SMOC2: variants seen among roughly 807,000 people sequenced by gnomAD.
SMOC2 encodes the protein SPARC related modular calcium binding 2.
A neutral mutation model predicts 61.4 loss-of-function variants in SMOC2; 39 were observed. The observed-to-expected ratio is 0.64, with a 90% confidence interval of 0.49 to 0.83. The LOEUF (loss-of-function observed/expected upper bound fraction) is 0.83, where lower values mean the gene tolerates loss of function less well. Ranked by LOEUF, SMOC2 falls within the 40% of genes least tolerant of loss-of-function variation. The pLI, the probability that SMOC2 is intolerant of heterozygous loss-of-function variation, is 0.00. For synonymous variants in SMOC2, 247 were observed against 239.9 expected, an observed-to-expected ratio of 1.03 and a Z score of -0.27; for missense variants, 556 against 592.9, an observed-to-expected ratio of 0.94 and a Z score of 0.65.
rs59917176 is a variant in SMOC2 at position 168,465,974 on chromosome 6, G to A, written c.84+24520G>A. Among the ~76,000 whole-genome samples the A allele has an allele frequency of 4.4e-4, 51 of 117,022 alleles. 1 individual carries two copies. Among genetic ancestry groups the A allele is most frequent in the African/African-American group, 1.7e-3 (49 of 28,844 alleles). 76.8% of individuals were successfully genotyped at this position (117,022 alleles called of 152,430 possible). A position where few individuals can be genotyped will look rare whatever the true frequency, so the allele number is the denominator to read the frequency against. The stretch of plus-strand genomic sequence containing the variant: ...CTGCTCTGAGAGCTGGAACTGGGGG[G>A]CTCTGGATGAAGCGACGTGCTGCTC... On this transcript the variant is annotated intron_variant, in intron 1 of 12. Transcript: ENST00000356284.
At position 168,547,024 on chromosome 6, in the gene SMOC2, G is replaced by A. The variant is rs1036693648; in HGVS notation, c.512-95G>A. The A allele has an allele frequency of 1.8e-5, 26 of 1,457,334 alleles. No individual in the cohort carries two copies. In the South Asian group the frequency reaches 3.0e-4, roughly 17 times the overall value. The allele number at this position is 1,457,334 out of a possible 1,614,324, so 90.3% of individuals were successfully genotyped here. A position where few individuals can be genotyped will look rare whatever the true frequency, so the allele number is the denominator to read the frequency against. On this transcript the variant is annotated intron_variant, in intron 5 of 12. Coordinates refer to ENST00000356284, the MANE Select transcript of SMOC2 (RefSeq NM_001166412.2). ...CTGTTGTGGTTGATCTGTGGGGACT[G>A]AGTGCAAGTCCTCAGCATCCACCCG...
At chr6:168,575,422 G>C (rs971735975) in intron 7 of SMOC2, among the ~76,000 whole-genome samples, 1 of 152,144 alleles carries the variant, frequency 6.6e-6, no homozygotes, top group African/African-American at 2.4e-5. Flanking sequence ...TGCATAGATA[G>C]CGCTTTACTG....
At chr6:168,612,729 G>A (rs1301743237) in intron 9 of SMOC2, among the ~76,000 whole-genome samples, 1 of 152,204 alleles carries the variant, frequency 6.6e-6, no homozygotes, top group African/African-American at 2.4e-5. Context: ...TGTGATTCAG[G>A]CTCGTAGGCC....
intron 7 of SMOC2, among the ~76,000 whole-genome samples, chr6:168,563,557 T>C (rs1021346184): frequency 6.6e-6 from 1 of 152,136 alleles, no homozygotes; most frequent in Non-Finnish European, 1.5e-5. Flanking sequence ...TGTGTTGAAA[T>C]CCTCACCCCC....
chr6:168,658,871 C>CTGTG (rs148960064), intron 11 of SMOC2, among the ~76,000 whole-genome samples: 1 of 151,142 alleles, frequency 6.6e-6, no homozygotes, highest in African/African-American at 2.4e-5. Flanking sequence ...ACAGCTCAGA[C>CTGTG]TGTGTGTGTG....
intron 1 of SMOC2, among the ~76,000 whole-genome samples, chr6:168,484,410 A>T (rs962144840): frequency 6.6e-6 from 1 of 152,234 alleles, no homozygotes; most frequent in South Asian, 2.1e-4. Context: ...CACACCCATT[A>T]TAATAGCTAC....
At chr6:168,648,979 G>T (rs911943) in intron 9 of SMOC2, among the ~76,000 whole-genome samples, 7 of 151,670 alleles carry the variant, frequency 4.6e-5, no homozygotes, top group African/African-American at 1.7e-4. Flanking sequence ...ACCCAGGGGT[G>T]GTCCACGCCA....
chr6:168,569,695 C>T (rs139107104), intron 7 of SMOC2, among the ~76,000 whole-genome samples: 6 of 152,278 alleles, frequency 3.9e-5, no homozygotes, highest in East Asian at 1.9e-4. Context: ...CTGCCTGTCT[C>T]GGCCTTCCAG....
chr6:168,598,787 T>A (rs779263757), intron 7 of SMOC2, 31 bp from the exon 8 acceptor site: 19 of 1,612,006 alleles, frequency 1.2e-5, no homozygotes, highest in African/African-American at 2.7e-5. Context: ...CGCTGGATCC[T>A]GCTCACCTTT....
chr6:168,616,090 G>A (rs1053636362), intron 9 of SMOC2, among the ~76,000 whole-genome samples: 2 of 152,124 alleles, frequency 1.3e-5, no homozygotes, highest in Non-Finnish European at 2.9e-5. Context: ...TCGCTTGGTG[G>A]CCTTTGAGAG....
intron 12 of SMOC2, among the ~76,000 whole-genome samples, chr6:168,665,940 A>G (rs1466733771): frequency 6.6e-6 from 1 of 152,024 alleles, no homozygotes; most frequent in African/African-American, 2.4e-5. Flanking sequence ...CTTTTAATTG[A>G]AAGTCAAGAT....
intron 1 of SMOC2, among the ~76,000 whole-genome samples, chr6:168,486,886 G>A (rs1408044561): frequency 1.3e-5 from 2 of 152,060 alleles, no homozygotes; most frequent in African/African-American, 4.8e-5. Context: ...TCACTTCTTG[G>A]AAGAAAATCA....
intron 1 of SMOC2, among the ~76,000 whole-genome samples, chr6:168,481,756 A>T (rs1459818641): frequency 6.6e-6 from 1 of 152,024 alleles, no homozygotes; most frequent in Non-Finnish European, 1.5e-5. Flanking sequence ...TAACTATATG[A>T]TGTCTACAAG....
At chr6:168,571,052 G>T (rs1237143664) in intron 7 of SMOC2, among the ~76,000 whole-genome samples, 2 of 152,170 alleles carry the variant, frequency 1.3e-5, no homozygotes, top group Non-Finnish European at 2.9e-5. Context: ...TCTTTGCAGT[G>T]ACAGTGGCGC....
intron 7 of SMOC2, among the ~76,000 whole-genome samples, chr6:168,555,946 C>T (rs1016055800): frequency 2.0e-5 from 3 of 152,164 alleles, no homozygotes; most frequent in African/African-American, 2.4e-5. Flanking sequence ...GGGCCAGACA[C>T]CGCTGGGGGC....
At chr6:168,656,820 A>G (rs538683142) in intron 11 of SMOC2, among the ~76,000 whole-genome samples, 1 of 152,186 alleles carries the variant, frequency 6.6e-6, no homozygotes, top group Non-Finnish European at 1.5e-5. Flanking sequence ...AGCTTTTTGT[A>G]TAGGGTCTTT....
At chr6:168,590,733 C>T (rs1193369828) in intron 7 of SMOC2, among the ~76,000 whole-genome samples, 3 of 152,106 alleles carry the variant, frequency 2.0e-5, no homozygotes, top group Non-Finnish European at 2.9e-5. Context: ...AAGTAGACTT[C>T]ATTTAATGAA....
chr6:168,585,310 G>A (rs1349059089), intron 7 of SMOC2, among the ~76,000 whole-genome samples: 1 of 152,160 alleles, frequency 6.6e-6, no homozygotes, highest in Non-Finnish European at 1.5e-5. Context: ...TCAAGCATAA[G>A]TACCCCTTTG....
intron 2 of SMOC2, among the ~76,000 whole-genome samples, chr6:168,519,044 T>C (rs1249332628): frequency 6.6e-6 from 1 of 150,528 alleles, no homozygotes; most frequent in Non-Finnish European, 1.5e-5. Flanking sequence ...TATGTGTGCA[T>C]GTGTGAGCAT....
Sources: gnomAD v4.1 joint callset for allele counts (sites outside exome capture counted in the v4.1 genomes callset) on GRCh38, gnomAD v4.1.1 for gene constraint, MANE v1.5 for transcripts, NCBI Gene and HGNC (gene_info 2026-07-23, HGNC 2026-07-21) for gene names.